The following MRPL52 variants were observed in gnomAD, a reference collection of about 807,000 sequenced individuals.
MRPL52 encodes large ribosomal subunit protein mL52.
MRPL52 carries 19 observed loss-of-function variants against 22.1 expected under a neutral mutation model. That is an observed-to-expected ratio of 0.86 (90% CI 0.60 to 1.26). MRPL52 has a LOEUF of 1.26. Ranked by LOEUF, MRPL52 falls within the 50% of genes most tolerant of loss-of-function variation. MRPL52 has a pLI of 0.00. For missense variants in MRPL52, 152 were observed against 148.1 expected (o/e 1.03, Z -0.14); for synonymous variants, 50 against 57.5 (o/e 0.87, Z 0.59).
chr14:22,831,047 C>T (rs1231744446), intron 3 of MRPL52: 2 of 1,473,348 alleles, frequency 1.4e-6, no homozygotes, highest in East Asian at 2.6e-5. Context: ...TGTAAGAAGC[C>T]TGGCATCTCC....
chr14:22,830,302 G>A (rs1470888632), intron 3 of MRPL52, 48 bp downstream of exon 3: 1 of 1,600,746 alleles, frequency 6.2e-7, no homozygotes, highest in African/African-American at 1.3e-5. Context: ...TTTTCACCTA[G>A]AGGGAACGCC....
chr14:22,834,497 T>C lies in MRPL52; in HGVS notation c.*176T>C, dbSNP rs2039696393. On this transcript the variant is annotated 3_prime_UTR_variant, in exon 5 of 5. Coordinates refer to ENST00000397496, the MANE Select transcript of MRPL52 (RefSeq NM_180982.3). ...GCCTGGGAGGCTTGGCTTAGTACTCTCATCTCTGGTTCCATTCCAGTTCAG... is the reference window on the plus strand; with the variant it reads ...GCCTGGGAGGCTTGGCTTAGTACTCCCATCTCTGGTTCCATTCCAGTTCAG... The C allele has an allele frequency of 1.5e-6, 1 of 687,664 alleles. No homozygotes were observed. The highest frequency in any genetic ancestry group is 3.2e-5 in the Admixed American group (1 of 31,214). The allele number at this position is 687,664 out of a possible 1,614,324, so 42.6% of individuals were successfully genotyped here.
Position 22,829,940 on chromosome 14 carries a change from A to G in MRPL52, c.28A>G (p.Ser10Gly). Residue 10 changes from serine (S) to glycine (G), a missense_variant and splice_region_variant, in exon 1 of 5, where the codon AGT becomes GGT. Physicochemically the swap from Ser to Gly is moderately conservative, Grantham distance 56 (BLOSUM62 0). Coordinates refer to ENST00000397496, the MANE Select transcript of MRPL52 (RefSeq NM_180982.3). ...GGCTGCTTTAGGGACTGTTCTCTTCAGTGAGTGGGTATAGATAGGGACCGT... is the reference window on the plus strand; with the variant it reads ...GGCTGCTTTAGGGACTGTTCTCTTCGGTGAGTGGGTATAGATAGGGACCGT... MAALGTVLFSVRRLHCSVAA... is the reference protein window; with the variant it reads MAALGTVLFGVRRLHCSVAA... The G allele has an allele frequency of 6.2e-7, 1 of 1,608,692 alleles. No individual in the cohort carries two copies. Among genetic ancestry groups the G allele is most frequent in the South Asian group, 1.1e-5 (1 of 90,340 alleles).
At position 22,834,335 on chromosome 14, in the gene MRPL52, C is replaced by T; in HGVS notation, c.*14C>T. ...CCAAGTCAATAAAAAGCAACTCCTG[C>T]CTCCCTTCCTCACCCTGTCTCTGGA... On this transcript the variant is annotated 3_prime_UTR_variant, in exon 5 of 5. Coordinates refer to ENST00000397496, the MANE Select transcript of MRPL52 (RefSeq NM_180982.3). The T allele has an allele frequency of 6.2e-7, 1 of 1,604,474 alleles. No individual in the cohort carries two copies. The highest frequency in any genetic ancestry group is 8.5e-7 in the Non-Finnish European group (1 of 1,176,414).
Position 22,834,630 on chromosome 14 carries a change from C to T in MRPL52, c.*309C>T, listed in dbSNP as rs540657516. On this transcript the variant is annotated 3_prime_UTR_variant, in exon 5 of 5. Transcript: ENST00000397496. ...CGGGCAGATCACAAGATCAGGAGTT[C>T]GAGACCAGCCTGGCCAACCCAGCCT... 4.6e-5 allele frequency: 10 copies of T among 217,776 alleles called. No homozygotes were observed. In the South Asian group the frequency reaches 6.0e-4, roughly 13 times the overall value. The allele number at this position is 217,776 out of a possible 1,614,324, so 13.5% of individuals were successfully genotyped here.
In MRPL52 at chr14:22,834,325, GCAA is replaced by G. The variant is rs2039691948; in HGVS notation, c.*6_*8del. 1 of 1,607,840 alleles carries G rather than the reference GCAA, an allele frequency of 6.2e-7. No individual in the cohort carries two copies. The highest frequency in any genetic ancestry group is 1.7e-5 in the Admixed American group (1 of 58,604). On this transcript the variant is annotated 3_prime_UTR_variant, in exon 5 of 5. Coordinates refer to ENST00000397496, the MANE Select transcript of MRPL52 (RefSeq NM_180982.3). ...GAGCCCACTTCCAAGTCAATAAAAA[GCAA>G]CTCCTGCCTCCCTTCCTCACCCTGT...
intron 4 of MRPL52, among the ~76,000 whole-genome samples, chr14:22,833,706 C>A (rs1309497573): frequency 6.6e-6 from 1 of 152,184 alleles, no homozygotes; most frequent in Non-Finnish European, 1.5e-5. Context: ...CTCACTTCAA[C>A]CTACTCCCGG....
rs756334149 is a variant in MRPL52, at chr14:22,830,046, C to G, written c.29-7C>G. 3.1e-6 allele frequency: 5 copies of G among 1,613,962 alleles called. No homozygotes were observed. In the East Asian group the frequency reaches 8.9e-5, roughly 29 times the overall value. ...TCTCCCCCAACTCTGCTCTGTTCTCCCAGCAGGTGTCCGGAGGCTGCACTG... is the reference window on the plus strand; with the variant it reads ...TCTCCCCCAACTCTGCTCTGTTCTCGCAGCAGGTGTCCGGAGGCTGCACTG... On this transcript the variant is annotated splice_polypyrimidine_tract_variant and splice_region_variant and intron_variant, in intron 1 of 4. Coordinates refer to ENST00000397496, the MANE Select transcript of MRPL52 (RefSeq NM_180982.3).
At chr14:22,830,032 T>G (rs2039566199) in intron 1 of MRPL52, 21 bp from the exon 2 acceptor site, 1 of 1,613,996 alleles carries the variant, frequency 6.2e-7, no homozygotes, top group East Asian at 2.2e-5. Flanking sequence ...CTCCCCCAAC[T>G]CTGCTCTGTT....
chr14:22,831,113 T>TTTTTTTTTTG (rs2039606046), intron 3 of MRPL52: 1 of 574,428 alleles, frequency 1.7e-6, no homozygotes, highest in South Asian at 1.8e-5. Flanking sequence ...CTGCTTTTTT[T>TTTTTTTTTTG]TTTTTTTTTT....
intron 3 of MRPL52, chr14:22,831,268 A>G: frequency 2.2e-6 from 1 of 447,972 alleles, no homozygotes; most frequent in South Asian, 3.3e-5. Context: ...ACACACCACC[A>G]TTCCTGGCTA....
chr14:22,833,264 T>C, intron 3 of MRPL52, 154 bp from the exon 4 acceptor site: 1 of 612,846 alleles, frequency 1.6e-6, no homozygotes, highest in Non-Finnish European at 3.0e-6. Flanking sequence ...CCCTTGAAGA[T>C]GATGGACATA....
chr14:22,831,106 CTTTTTTT>C (rs36143447), intron 3 of MRPL52: 36 of 167,610 alleles, frequency 2.1e-4, no homozygotes, highest in Middle Eastern at 2.5e-3. Flanking sequence ...CATATGACTG[CTTTTTTT>C]TTTTTTTTTT....
chr14:22,833,131 T>C (rs886754249), intron 3 of MRPL52: 13 of 232,144 alleles, frequency 5.6e-5, no homozygotes, highest in Non-Finnish European at 9.3e-5. Flanking sequence ...TGAGCTGAGA[T>C]TGCACCACTG....
At chr14:22,834,090 C>T in intron 4 of MRPL52, 82 bp from the exon 5 acceptor site, 1 of 1,472,100 alleles carries the variant, frequency 6.8e-7, no homozygotes, top group Non-Finnish European at 9.1e-7. Flanking sequence ...CAGATGAAAC[C>T]TCTGAATTTG....
rs562938595 is a variant in MRPL52 at position 22,830,007 on chromosome 14, C to G, written c.29-46C>G. Reference sequence around the variant, plus strand: ...TGGGGACGGGCACAGGACCCCTGATCCGGCTGCGCGGCCTCTCCCCCAACT... The same window carrying G: ...TGGGGACGGGCACAGGACCCCTGATGCGGCTGCGCGGCCTCTCCCCCAACT... On this transcript the variant is annotated intron_variant, in intron 1 of 4. Coordinates refer to ENST00000397496, the MANE Select transcript of MRPL52 (RefSeq NM_180982.3). 3.1e-6 allele frequency: 5 copies of G among 1,613,514 alleles called. No homozygotes were observed. In the East Asian group the frequency reaches 1.1e-4, roughly 36 times the overall value.
In MRPL52 at chr14:22,830,126, A is replaced by AG; in HGVS notation, c.86+19dup. ...GGCGACTACAGTGAGTCCTGGGATG[A>AG]GGGCACCTGGGGGACCAGAAGCTGG... On this transcript the variant is annotated intron_variant, in intron 2 of 4. Transcript: ENST00000397496. 1 of 1,614,174 alleles carries AG rather than the reference A, an allele frequency of 6.2e-7. No homozygotes were observed. The highest frequency in any genetic ancestry group is 8.5e-7 in the Non-Finnish European group (1 of 1,180,010).
At chr14:22,831,076 T>C (rs1260113736) in intron 3 of MRPL52, 1 of 701,274 alleles carries the variant, frequency 1.4e-6, no homozygotes, top group South Asian at 1.5e-5. Flanking sequence ...GTATGGACTA[T>C]TGGAAAGACT....
At chr14:22,833,612 G>GT (rs1474694380) in intron 4 of MRPL52, 130 bp downstream of exon 4, 60 of 657,316 alleles carry the variant, frequency 9.1e-5, no homozygotes, top group Non-Finnish European at 1.2e-4. Flanking sequence ...ACAGCCAAAG[G>GT]TTTTTTTTGT....
Sources: allele counts gnomAD v4.1 joint callset (sites outside exome capture counted in the v4.1 genomes callset), GRCh38; gene constraint gnomAD v4.1.1; transcripts MANE v1.5; gene names NCBI Gene and HGNC (gene_info 2026-07-23, HGNC 2026-07-21).